Variants in PIGM observed in about 807,000 individuals in gnomAD.
PIGM encodes phosphatidylinositol glycan anchor biosynthesis class M.
A neutral mutation model predicts 14.6 loss-of-function variants in PIGM; 7 were observed. The ratio of observed to expected loss-of-function variants is 0.48; its 90% CI spans 0.27 to 0.90. PIGM has a LOEUF of 0.90. PIGM is among the 40% of genes least tolerant of loss of function. The pLI, the probability that PIGM is intolerant of heterozygous loss-of-function variation, is 0.12. For missense variants in PIGM, 506 were observed against 516.2 expected (o/e 0.98, Z 0.19); for synonymous variants, 216 against 215.9 (o/e 1.00, Z 0.00).
chr1:160,030,913 T>G lies in PIGM; in HGVS notation c.827A>C (p.Tyr276Ser). Residue 276 changes from tyrosine (Y) to serine (S), a missense_variant, in exon 1 of 1, where the codon TAC becomes TCC. Tyr to Ser is a moderately radical substitution (Grantham distance 144). Transcript: ENST00000368090. Reference sequence around the variant, plus strand: ...GCTCTCTGCAGTCAAATACAGCATGTAGAAGTACGGAGAAAAGTTGTGACG... The same window carrying G: ...GCTCTCTGCAGTCAAATACAGCATGGAGAAGTACGGAGAAAAGTTGTGACG... ...DIRHNFSPYF[Y>S]MLYLTAESKW... The G allele has an allele frequency of 6.2e-7, 1 of 1,614,218 alleles. No homozygotes were observed. The highest frequency in any genetic ancestry group is 8.5e-7 in the Non-Finnish European group (1 of 1,180,036).
Position 160,031,827 on chromosome 1 carries a change from C to T in PIGM, c.-88G>A. The T allele has an allele frequency of 6.7e-7, 1 of 1,495,474 alleles. No homozygotes were observed. The highest frequency in any genetic ancestry group is 9.2e-7 in the Non-Finnish European group (1 of 1,081,870). 92.6% of individuals were successfully genotyped at this position (1,495,474 alleles called of 1,614,324 possible). A position where few individuals can be genotyped will look rare whatever the true frequency, so the allele number is the denominator to read the frequency against. ...CCTTCGGTTCTTTGCAGCAGGTGGC[C>T]GCCGCATCTCCCACCCGCCAGGCTG... On this transcript the variant is annotated 5_prime_UTR_variant, in exon 1 of 1. Transcript: ENST00000368090.
At position 160,030,403 on chromosome 1, in the gene PIGM, G is replaced by C. The variant is rs887105023; in HGVS notation, c.*65C>G. The C allele has an allele frequency of 1.0e-5, 15 of 1,496,572 alleles. No homozygotes were observed. In the African/African-American group the frequency reaches 1.9e-4, roughly 19 times the overall value. 92.7% of individuals were successfully genotyped at this position (1,496,572 alleles called of 1,614,324 possible). A position where few individuals can be genotyped will look rare whatever the true frequency, so the allele number is the denominator to read the frequency against. ...GAATGTTCAGAAAAAATGTCCCAAA[G>C]CTCTCTTCTGGTCCATACAAGACAA... is the stretch of plus-strand genomic sequence containing the variant. On this transcript the variant is annotated 3_prime_UTR_variant, in exon 1 of 1. Coordinates refer to ENST00000368090, the MANE Select transcript of PIGM (RefSeq NM_145167.3).
chr1:160,029,159 A>G lies in PIGM; in HGVS notation c.*1309T>C, dbSNP rs997547358. 5 of 152,214 alleles carry G rather than the reference A, an allele frequency of 3.3e-5. No individual in the cohort carries two copies. Among genetic ancestry groups the G allele is most frequent in the African/African-American group, 9.6e-5 (4 of 41,460 alleles). 9.4% of individuals were successfully genotyped at this position (152,214 alleles called of 1,614,324 possible). On this transcript the variant is annotated 3_prime_UTR_variant, in exon 1 of 1. Coordinates refer to ENST00000368090, the MANE Select transcript of PIGM (RefSeq NM_145167.3). ...CTTTAGCAATCAAAAACTTAAAAAC[A>G]AAGGGGTAAGAGGATACTGAAATGT...
chr1:160,031,078 C>T lies in PIGM; in HGVS notation c.662G>A (p.Arg221Lys). 6.2e-7 allele frequency: 1 copy of T among 1,614,206 alleles called. No homozygotes were observed. The highest frequency in any genetic ancestry group is 1.3e-5 in the African/African-American group (1 of 75,038). Residue 221 changes from arginine to lysine, a missense_variant, in exon 1 of 1, where the codon AGG becomes AAG. Coordinates refer to ENST00000368090, the MANE Select transcript of PIGM (RefSeq NM_145167.3). Reference sequence around the variant, plus strand: ...CAGCAGCACAGCCCGATTACACAGCCTTTTCAGGAGCTCGTACAAACAAGC... The same window carrying T: ...CAGCAGCACAGCCCGATTACACAGCTTTTTCAGGAGCTCGTACAAACAAGC... ...FQACLYELLK[R>K]LCNRAVLLFV...
rs1465790570 is a variant in PIGM, at chr1:160,028,756, T to C, written c.*1712A>G. Reference sequence around the variant, plus strand: ...TATTCATATACTGCTACTGTAGTATTAGGGAATCCCAAGCCTAGACAGGCT... The same window carrying C: ...TATTCATATACTGCTACTGTAGTATCAGGGAATCCCAAGCCTAGACAGGCT... On this transcript the variant is annotated 3_prime_UTR_variant, in exon 1 of 1. Coordinates refer to ENST00000368090, the MANE Select transcript of PIGM (RefSeq NM_145167.3). 6.7e-6 allele frequency: 1 copy of C among 150,342 alleles called. No individual in the cohort carries two copies. Among genetic ancestry groups the C allele is most frequent in the African/African-American group, 2.5e-5 (1 of 40,608 alleles). 9.3% of individuals were successfully genotyped at this position (150,342 alleles called of 1,614,324 possible).
rs1648184812 is a variant in PIGM at position 160,026,378 on chromosome 1, C to T, written c.*4090G>A. 1 of 152,026 alleles carries T rather than the reference C, an allele frequency of 6.6e-6. No individual in the cohort carries two copies. The highest frequency in any genetic ancestry group is 6.5e-5 in the Admixed American group (1 of 15,268). The allele number at this position is 152,026 out of a possible 1,614,324, so 9.4% of individuals were successfully genotyped here. On this transcript the variant is annotated 3_prime_UTR_variant, in exon 1 of 1. Coordinates refer to ENST00000368090, the MANE Select transcript of PIGM (RefSeq NM_145167.3). ...AGAATTATGGTTTTGTAAGAAAATA[C>T]CTGATTTTTAGGAGATGCATGCTGA...
rs1285364336 is a variant in PIGM at position 160,028,377 on chromosome 1, C to A, written c.*2091G>T. On this transcript the variant is annotated 3_prime_UTR_variant, in exon 1 of 1. Coordinates refer to ENST00000368090, the MANE Select transcript of PIGM (RefSeq NM_145167.3). ...TAGTAAACAAGCACATATAAAGGGT[C>A]CTCAAGACAAGACCTAATATGGGTA... is the stretch of plus-strand genomic sequence containing the variant. 6.6e-6 allele frequency: 1 copy of A among 151,834 alleles called. No individual in the cohort carries two copies. Among genetic ancestry groups the A allele is most frequent in the Non-Finnish European group, 1.5e-5 (1 of 67,986 alleles). The allele number at this position is 151,834 out of a possible 1,614,324, so 9.4% of individuals were successfully genotyped here.
rs1017042424 is a variant in PIGM, at chr1:160,031,649, C to T, written c.91G>A (p.Ala31Thr). ...VFGVAFLARV[A>T]LVFYGVFQDR... is the part of the protein sequence containing the mutation. ...TGGAAGACGCCATAGAAAACCAGGG[C>T]GACTCTGGCTAGAAAGGCCACACCA... is the stretch of plus-strand genomic sequence containing the variant. The change falls in exon 1 of 1, where the codon GCC (alanine) becomes ACC (threonine). Residue 31 changes from alanine (A) to threonine (T), a missense_variant. Physicochemically the swap from Ala to Thr is moderately conservative, Grantham distance 58. Transcript: ENST00000368090. 6.2e-7 allele frequency: 1 copy of T among 1,614,164 alleles called. No homozygotes were observed. Among genetic ancestry groups the T allele is most frequent in the South Asian group, 1.1e-5 (1 of 91,080 alleles).
chr1:160,028,746 AC>A lies in PIGM; in HGVS notation c.*1721del, dbSNP rs1270566731. The A allele has an allele frequency of 6.6e-6, 1 of 152,022 alleles. No individual in the cohort carries two copies. Among genetic ancestry groups the A allele is most frequent in the Admixed American group, 6.6e-5 (1 of 15,256 alleles). 9.4% of individuals were successfully genotyped at this position (152,022 alleles called of 1,614,324 possible). ...CACAAAATCATATTCATATACTGCTACTGTAGTATTAGGGAATCCCAAGCCT... is the reference window on the plus strand; with the variant it reads ...CACAAAATCATATTCATATACTGCTATGTAGTATTAGGGAATCCCAAGCCT... On this transcript the variant is annotated 3_prime_UTR_variant, in exon 1 of 1. Coordinates refer to ENST00000368090, the MANE Select transcript of PIGM (RefSeq NM_145167.3).
At position 160,030,251 on chromosome 1, in the gene PIGM, T is replaced by A; in HGVS notation, c.*217A>T. 1.9e-6 allele frequency: 1 copy of A among 516,956 alleles called. No homozygotes were observed. The highest frequency in any genetic ancestry group is 2.1e-5 in the South Asian group (1 of 48,474). 32.0% of individuals were successfully genotyped at this position (516,956 alleles called of 1,614,324 possible). On this transcript the variant is annotated 3_prime_UTR_variant, in exon 1 of 1. Coordinates refer to ENST00000368090, the MANE Select transcript of PIGM (RefSeq NM_145167.3). Reference sequence around the variant, plus strand: ...CAATATGTGACCTTTATTCCCACCATGTCCCAAATAAACGAGTCCTAGGAT... The same window carrying A: ...CAATATGTGACCTTTATTCCCACCAAGTCCCAAATAAACGAGTCCTAGGAT...
Position 160,030,411 on chromosome 1 carries a change from C to T in PIGM, c.*57G>A. On this transcript the variant is annotated 3_prime_UTR_variant, in exon 1 of 1. Transcript: ENST00000368090. ...AGAAAAAATGTCCCAAAGCTCTCTTCTGGTCCATACAAGACAATCAGAATG... is the reference window on the plus strand; with the variant it reads ...AGAAAAAATGTCCCAAAGCTCTCTTTTGGTCCATACAAGACAATCAGAATG... 6.5e-7 allele frequency: 1 copy of T among 1,527,626 alleles called. No individual in the cohort carries two copies. Among genetic ancestry groups the T allele is most frequent in the Non-Finnish European group, 9.1e-7 (1 of 1,102,702 alleles). The allele number at this position is 1,527,626 out of a possible 1,614,324, so 94.6% of individuals were successfully genotyped here. A position where few individuals can be genotyped will look rare whatever the true frequency, so the allele number is the denominator to read the frequency against.
rs2101920266 is a variant in PIGM, at chr1:160,031,624, T to C, written c.116A>G (p.Gln39Arg). Residue 39 changes from glutamine to arginine, a missense_variant, in exon 1 of 1, where the codon CAG becomes CGG. Gln to Arg is a conservative substitution (Grantham distance 43). Transcript: ENST00000368090. ...RVALVFYGVF[Q>R]DRTLHVRYTD... ...ATACCTCACGTGCAGGGTCCGGTCC[T>C]GGAAGACGCCATAGAAAACCAGGGC... The C allele has an allele frequency of 6.2e-7, 1 of 1,614,142 alleles. No individual in the cohort carries two copies.
chr1:160,031,666 G>A lies in PIGM; in HGVS notation c.74C>T (p.Ala25Val), dbSNP rs1193931801. The change falls in exon 1 of 1, where the codon GCC (alanine) becomes GTC (valine). Residue 25 changes from alanine to valine, a missense_variant. Coordinates refer to ENST00000368090, the MANE Select transcript of PIGM (RefSeq NM_145167.3). ...AACCAGGGCGACTCTGGCTAGAAAG[G>A]CCACACCAAAGACGCCGGCTGGAGC... ...KVAPAGVFGV[A>V]FLARVALVFY... 1.2e-6 allele frequency: 2 copies of A among 1,614,204 alleles called. No individual in the cohort carries two copies. The highest frequency in any genetic ancestry group is 2.2e-5 in the South Asian group (2 of 91,082).
In PIGM at chr1:160,026,076, CAA is replaced by C. The variant is rs1365894559; in HGVS notation, c.*4390_*4391del. ...TATCTGGAAAACCTACCAGATAAAACAAAGAGATTACCACCCCCATGTTTTTA... is the reference window on the plus strand; with the variant it reads ...TATCTGGAAAACCTACCAGATAAAACAGAGATTACCACCCCCATGTTTTTA... On this transcript the variant is annotated 3_prime_UTR_variant, in exon 1 of 1. Transcript: ENST00000368090. The C allele has an allele frequency of 3.3e-5, 5 of 152,016 alleles. No homozygotes were observed. The East Asian group carries it at 7.7e-4, about 23-fold the overall frequency. 9.4% of individuals were successfully genotyped at this position (152,016 alleles called of 1,614,324 possible).
Position 160,031,376 on chromosome 1 carries a change from G to A in PIGM, c.364C>T (p.Arg122Cys), listed in dbSNP as rs962602357. The A allele has an allele frequency of 1.2e-6, 2 of 1,606,718 alleles. No individual in the cohort carries two copies. The highest frequency in any genetic ancestry group is 1.3e-5 in the African/African-American group (1 of 74,602). Reference sequence around the variant, plus strand: ...AAGACACAGTAGCCACAAGCCTGGCGGCGCCCCAGCCCCTTCAGCAGCAGC... The same window carrying A: ...AAGACACAGTAGCCACAAGCCTGGCAGCGCCCCAGCCCCTTCAGCAGCAGC... ...RLLLLKGLGR[R>C]QACGYCVFWL... Residue 122 changes from arginine to cysteine, a missense_variant, in exon 1 of 1, where the codon CGC (arginine) becomes TGC (cysteine). Coordinates refer to ENST00000368090, the MANE Select transcript of PIGM (RefSeq NM_145167.3).
Position 160,027,950 on chromosome 1 carries a change from C to T in PIGM, c.*2518G>A, listed in dbSNP as rs1045642092. 1.3e-5 allele frequency: 2 copies of T among 152,108 alleles called. No individual in the cohort carries two copies. Among genetic ancestry groups the T allele is most frequent in the Admixed American group, 6.5e-5 (1 of 15,274 alleles). The allele number at this position is 152,108 out of a possible 1,614,324, so 9.4% of individuals were successfully genotyped here. On this transcript the variant is annotated 3_prime_UTR_variant, in exon 1 of 1. Transcript: ENST00000368090. ...TTCCAAAGTTTGAAGTTCCCTCCAA[C>T]GATCCCAGCAGAAATGTTTCTAACT... is the stretch of plus-strand genomic sequence containing the variant.
chr1:160,027,117 T>G lies in PIGM; in HGVS notation c.*3351A>C, dbSNP rs534023108. ...AGGCATGAACCACCATGCCCAGCTCTTAAAATCGTTTATAATAAAACATGA... is the reference window on the plus strand; with the variant it reads ...AGGCATGAACCACCATGCCCAGCTCGTAAAATCGTTTATAATAAAACATGA... On this transcript the variant is annotated 3_prime_UTR_variant, in exon 1 of 1. Transcript: ENST00000368090. 1 of 152,238 alleles carries G rather than the reference T, an allele frequency of 6.6e-6. No individual in the cohort carries two copies. Among genetic ancestry groups the G allele is most frequent in the South Asian group, 2.1e-4 (1 of 4,818 alleles). The allele number at this position is 152,238 out of a possible 1,614,324, so 9.4% of individuals were successfully genotyped here.
chr1:160,030,391 A>C lies in PIGM; in HGVS notation c.*77T>G. ...CTAGAATGCTTAGAATGTTCAGAAA[A>C]AATGTCCCAAAGCTCTCTTCTGGTC... On this transcript the variant is annotated 3_prime_UTR_variant, in exon 1 of 1. Coordinates refer to ENST00000368090, the MANE Select transcript of PIGM (RefSeq NM_145167.3). 2 of 1,453,880 alleles carry C rather than the reference A, an allele frequency of 1.4e-6. No homozygotes were observed. The highest frequency in any genetic ancestry group is 1.9e-6 in the Non-Finnish European group (2 of 1,037,232). 90.1% of individuals were successfully genotyped at this position (1,453,880 alleles called of 1,614,324 possible).
At position 160,028,622 on chromosome 1, in the gene PIGM, T is replaced by A. The variant is rs990063462; in HGVS notation, c.*1846A>T. The A allele has an allele frequency of 6.6e-6, 1 of 152,184 alleles. No individual in the cohort carries two copies. The highest frequency in any genetic ancestry group is 1.5e-5 in the Non-Finnish European group (1 of 68,028). The allele number at this position is 152,184 out of a possible 1,614,324, so 9.4% of individuals were successfully genotyped here. A position where few individuals can be genotyped will look rare whatever the true frequency, so the allele number is the denominator to read the frequency against. On this transcript the variant is annotated 3_prime_UTR_variant, in exon 1 of 1. Transcript: ENST00000368090. ...AAAGGATTTTAGGCCTGAACTGACA[T>A]GAAATATAATACTGTGGAACTTTTT... is the stretch of plus-strand genomic sequence containing the variant.
Sources: allele counts gnomAD v4.1 joint callset, GRCh38; gene constraint gnomAD v4.1.1; transcripts MANE v1.5; gene names NCBI Gene and HGNC (gene_info 2026-07-23, HGNC 2026-07-21).